Variants in PAK3 observed in about 807,000 individuals in gnomAD.
PAK3 encodes p21 (RAC1) activated kinase 3, also known as serine/threonine-protein kinase PAK 3.
In PAK3, 4 loss-of-function variants were observed where a neutral mutation model predicts 41.0. The ratio of observed to expected loss-of-function variants is 0.10; its 90% CI spans 0.05 to 0.22. The LOEUF (loss-of-function observed/expected upper bound fraction) is 0.22, where lower values mean the gene tolerates loss of function less well. PAK3 is among the 10% of genes least tolerant of loss of function. The pLI is 1.00. For synonymous variants in PAK3, 146 were observed against 139.6 expected (o/e 1.05, Z -0.32); for missense variants, 205 against 409.9 (o/e 0.50, Z 4.32).
intron 1 of PAK3, among the ~76,000 whole-genome samples, chrX:110,979,808 A>G (rs914813849): frequency 8.9e-6 from 1 of 111,928 alleles, no homozygotes; most frequent in African/African-American, 3.2e-5. Flanking sequence ...ACATTTTGGT[A>G]TGTTGCATCT....
intron 5 of PAK3, among the ~76,000 whole-genome samples, chrX:111,137,615 TA>T (rs1349210736): frequency 4.5e-5 from 5 of 111,385 alleles, no homozygotes; most frequent in African/African-American, 1.6e-4. Flanking sequence ...GGTGGGCATA[TA>T]AAAGGTGATA....
chrX:111,184,686 C>T (rs988991482), intron 11 of PAK3, among the ~76,000 whole-genome samples: 14 of 109,856 alleles, frequency 1.3e-4, no homozygotes, highest in South Asian at 4.0e-4. Flanking sequence ...TTGCTGAGAA[C>T]GATGGTTTCC....
intron 1 of PAK3, among the ~76,000 whole-genome samples, chrX:110,983,680 A>G (rs1286193878): frequency 9.0e-6 from 1 of 111,405 alleles, no homozygotes; most frequent in Non-Finnish European, 1.9e-5. Context: ...AATTTTCCAG[A>G]GCCCCCCACG....
intron 1 of PAK3, among the ~76,000 whole-genome samples, chrX:110,969,094 ATT>A (rs60724970): frequency 2.1e-3 from 87 of 40,597 alleles, no homozygotes; most frequent in African/African-American, 8.1e-3. Context: ...GACCTGCCTA[ATT>A]TTTTTTTTTT....
intron 1 of PAK3, among the ~76,000 whole-genome samples, chrX:111,057,922 A>G (rs979652047): frequency 2.7e-5 from 3 of 112,272 alleles, no homozygotes; most frequent in Non-Finnish European, 3.8e-5. Flanking sequence ...TAAAAATGGA[A>G]TCATATAGTA....
chrX:111,103,015 G>GTGTGTGTGTGTGTATGAGAGAGTA (rs2093175000), intron 3 of PAK3, 144 bp from the exon 4 acceptor site: 1 of 110,667 alleles, frequency 9.0e-6, no homozygotes, highest in African/African-American at 3.4e-5. Flanking sequence ...GAGAGAGTGT[G>GTGTGTGTGTGTGTATGAGAGAGTA]TGTGTGTGTG....
intron 8 of PAK3, among the ~76,000 whole-genome samples, chrX:111,159,542 G>C (rs1032443290): frequency 3.6e-5 from 4 of 111,506 alleles, no homozygotes; most frequent in South Asian, 3.7e-4. Context: ...CTTGAACCCA[G>C]CTGGTGTAAG....
chrX:111,009,491 G>C (rs1297762320), intron 1 of PAK3, among the ~76,000 whole-genome samples: 1 of 17,870 alleles, frequency 5.6e-5, no homozygotes, highest in Non-Finnish European at 8.1e-3. Flanking sequence ...ATTGACCTTA[G>C]TCTTCGTGGC....
intron 16 of PAK3, among the ~76,000 whole-genome samples, chrX:111,199,782 G>A (rs890839364): frequency 1.2e-4 from 13 of 111,677 alleles, no homozygotes; most frequent in African/African-American, 4.2e-4. Flanking sequence ...ATCTTCATGT[G>A]ATCTTGTTAT....
At chrX:110,976,662 A>C (rs1377148173) in intron 1 of PAK3, among the ~76,000 whole-genome samples, 2 of 112,141 alleles carry the variant, frequency 1.8e-5, no homozygotes, top group African/African-American at 6.5e-5. Context: ...ATGCATATGT[A>C]TGTTTATTGT....
intron 1 of PAK3, among the ~76,000 whole-genome samples, chrX:111,066,469 C>T (rs1191778038): frequency 8.9e-6 from 1 of 112,069 alleles, no homozygotes; most frequent in Non-Finnish European, 1.9e-5. Flanking sequence ...TTTATTGACA[C>T]TTGCTATGGC....
In PAK3 at chrX:111,216,621, G is replaced by A. The variant is rs2094882047; in HGVS notation, c.1545+63G>A. The A allele has an allele frequency of 3.3e-6, 3 of 910,931 alleles. No homozygotes were observed. The South Asian group carries it at 5.9e-5, about 18-fold the overall frequency. 75.1% of individuals were successfully genotyped at this position (910,931 alleles called of 1,213,427 possible). A position where few individuals can be genotyped will look rare whatever the true frequency, so the allele number is the denominator to read the frequency against. On this transcript the variant is annotated intron_variant, in intron 17 of 17. Coordinates refer to ENST00000372007, the MANE Select transcript of PAK3 (RefSeq NM_002578.5). ...ATACTCAGCTTTTCCATCTCAATGTGTGACAGAGAGCTCTGTCAAGAGATG... is the reference window on the plus strand; with the variant it reads ...ATACTCAGCTTTTCCATCTCAATGTATGACAGAGAGCTCTGTCAAGAGATG...
chrX:111,149,300 G>T (rs1456266532), intron 7 of PAK3, among the ~76,000 whole-genome samples: 1 of 111,724 alleles, frequency 9.0e-6, no homozygotes, highest in Non-Finnish European at 1.9e-5. Flanking sequence ...AGTGTCTGCG[G>T]CTTTTCCATG....
intron 1 of PAK3, among the ~76,000 whole-genome samples, chrX:111,078,804 TA>T (rs1204648643): frequency 1.8e-5 from 2 of 111,685 alleles, no homozygotes; most frequent in Admixed American, 9.5e-5. Flanking sequence ...GAATGCAAAG[TA>T]AAAGTTCCTG....
At position 111,076,807 on chromosome X, in the gene PAK3, T is replaced by A. The variant is rs190930304; in HGVS notation, c.-27-46270T>A. On this transcript the variant is annotated intron_variant, in intron 1 of 14. Coordinates refer to the PAK3 transcript ENST00000425146. ...TTGCCACTTCTGCTCAACCTAGTAC[T>A]GGAATTCCTAGCCAGAGTGATTAGG... Among the ~76,000 whole-genome samples the A allele has an allele frequency of 2.5e-4, 28 of 111,792 alleles. No homozygotes were observed. In the East Asian group the frequency reaches 7.6e-3, roughly 30 times the overall value.
chrX:110,987,822 T>C lies in PAK3; in HGVS notation c.-28+43194T>C, dbSNP rs185519175. Among the ~76,000 whole-genome samples, 452 of 111,188 alleles carry C rather than the reference T, an allele frequency of 4.1e-3. 4 individuals are homozygous for C. The highest frequency in any genetic ancestry group is 0.014 in the African/African-American group (440 of 30,545). ...GCCTCTGGAGCTGCAGAAAGAAGAA[T>C]TGTTGGAAGAGTCAATGCAGGTTGA... On this transcript the variant is annotated intron_variant, in intron 1 of 14. Transcript: ENST00000425146.
At chrX:110,961,610 A>T (rs1034961709) in intron 1 of PAK3, among the ~76,000 whole-genome samples, 1 of 111,487 alleles carries the variant, frequency 9.0e-6, no homozygotes, top group Non-Finnish European at 1.9e-5. Flanking sequence ...AAATATCTAC[A>T]ATCTCTTTTG....
At chrX:111,008,958 A>G (rs1156447969) in intron 1 of PAK3, among the ~76,000 whole-genome samples, 1 of 111,228 alleles carries the variant, frequency 9.0e-6, no homozygotes, top group African/African-American at 3.3e-5. Flanking sequence ...TTTGAACCCC[A>G]AGCCAGAGCC....
Position 111,200,696 on chromosome X carries a change from C to T in PAK3, c.1407+4056C>T, listed in dbSNP as rs182716354. Among the ~76,000 whole-genome samples, 10 of 111,981 alleles carry T rather than the reference C, an allele frequency of 8.9e-5. No individual in the cohort carries two copies. In the East Asian group the frequency reaches 2.8e-3, roughly 31 times the overall value. On this transcript the variant is annotated intron_variant, in intron 16 of 17. Transcript: ENST00000372007. ...TCGGACCTCTTGTTTCTATGGATTT[C>T]CTCCCCTAAGTCTTTGGAGTTTGGA...
Sources: gnomAD v4.1 joint callset for allele counts (sites outside exome capture counted in the v4.1 genomes callset) on GRCh38, gnomAD v4.1.1 for gene constraint, MANE v1.5 for transcripts, NCBI Gene and HGNC (gene_info 2026-07-23, HGNC 2026-07-21) for gene names.